Variants in LRRC4C observed in about 807,000 individuals in gnomAD.
The protein encoded by LRRC4C is leucine-rich repeat-containing protein 4C.
In LRRC4C, 5 loss-of-function variants were observed where a neutral mutation model predicts 33.6. The observed-to-expected ratio is 0.15, with a 90% CI of 0.08 to 0.31. LRRC4C has a LOEUF of 0.31. Among genes scored for constraint, LRRC4C ranks in the 10% least tolerant of loss-of-function variants. The pLI is 1.00. For synonymous variants in LRRC4C, 329 were observed against 302.0 expected, an observed-to-expected ratio of 1.09 and a Z score of -0.93; for missense variants, 560 against 796.7, an observed-to-expected ratio of 0.70 and a Z score of 3.58.
intron 2 of LRRC4C, among the ~76,000 whole-genome samples, chr11:40,861,336 A>G (rs141711915): frequency 4.3e-4 from 66 of 152,310 alleles, no homozygotes; most frequent in African/African-American, 1.6e-3. Flanking sequence ...GGGACTTAAA[A>G]GAGAAACATG....
At position 41,156,648 on chromosome 11, in the gene LRRC4C, T is replaced by G. The variant is rs760796162; in HGVS notation, c.-495-222925A>C. On this transcript the variant is annotated intron_variant, in intron 1 of 6. Transcript: ENST00000528697. Reference sequence around the variant, plus strand: ...ATGAACATGGCAAACAAGTAAATTATATTGTGTATTAGAAGCTGGTAAGAA... The same window carrying G: ...ATGAACATGGCAAACAAGTAAATTAGATTGTGTATTAGAAGCTGGTAAGAA... Among the ~76,000 whole-genome samples, 4 of 151,986 alleles carry G rather than the reference T, an allele frequency of 2.6e-5. No homozygotes were observed. In the South Asian group the frequency reaches 6.2e-4, roughly 24 times the overall value.
chr11:40,686,621 G>A (rs1041709268), intron 2 of LRRC4C, among the ~76,000 whole-genome samples: 5 of 152,098 alleles, frequency 3.3e-5, no homozygotes, highest in African/African-American at 4.8e-5. Context: ...AGCTTCAGGG[G>A]CTGGAATGAT....
intron 3 of LRRC4C, among the ~76,000 whole-genome samples, chr11:40,495,144 T>C (rs1047299549): frequency 1.3e-5 from 2 of 152,202 alleles, no homozygotes; most frequent in African/African-American, 4.8e-5. Flanking sequence ...ATGTGCACTT[T>C]ATATCAAAGC....
At chr11:40,379,272 A>C (rs778118959) in intron 3 of LRRC4C, among the ~76,000 whole-genome samples, 83 of 151,874 alleles carry the variant, frequency 5.5e-4, no homozygotes, top group Admixed American at 5.2e-4. Context: ...TACCAATTTA[A>C]TTATAATATA....
At chr11:40,925,760 A>G (rs1465746178) in intron 2 of LRRC4C, among the ~76,000 whole-genome samples, 1 of 152,096 alleles carries the variant, frequency 6.6e-6, no homozygotes, top group African/African-American at 2.4e-5. Flanking sequence ...CATTTACTTT[A>G]TTGTCTGTAA....
chr11:41,236,072 G>A (rs1179213021), intron 1 of LRRC4C, among the ~76,000 whole-genome samples: 1 of 152,032 alleles, frequency 6.6e-6, no homozygotes, highest in Non-Finnish European at 1.5e-5. Context: ...AGCTTCTGGG[G>A]AAGCACTTAA....
At chr11:40,265,612 C>G (rs1457841097) in intron 4 of LRRC4C, among the ~76,000 whole-genome samples, 4 of 152,152 alleles carry the variant, frequency 2.6e-5, no homozygotes, top group African/African-American at 9.7e-5. Context: ...TTCAGCAAAA[C>G]TTAACTCCTA....
chr11:40,780,509 T>G (rs1185760357), intron 2 of LRRC4C, among the ~76,000 whole-genome samples: 1 of 152,062 alleles, frequency 6.6e-6, no homozygotes, highest in East Asian at 1.9e-4. Flanking sequence ...TTTCAGAGAA[T>G]GAGAGCTATT....
At chr11:40,696,089 G>GTC (rs1945494921) in intron 2 of LRRC4C, among the ~76,000 whole-genome samples, 1 of 100,516 alleles carries the variant, frequency 9.9e-6, no homozygotes, top group African/African-American at 3.3e-5. Context: ...ATATATATGA[G>GTC]TGTGTGTATA....
chr11:40,834,083 G>A (rs1400334884), intron 2 of LRRC4C, among the ~76,000 whole-genome samples: 4 of 152,104 alleles, frequency 2.6e-5, no homozygotes, highest in Non-Finnish European at 5.9e-5. Context: ...GGACACAACT[G>A]CAGTGTCATG....
chr11:40,919,324 T>C (rs1027408151), intron 2 of LRRC4C, among the ~76,000 whole-genome samples: 1 of 152,166 alleles, frequency 6.6e-6, no homozygotes, highest in African/African-American at 2.4e-5. Flanking sequence ...ATGTAAATCT[T>C]TTTTAAGCCT....
At chr11:40,792,347 C>T (rs1950661795) in intron 2 of LRRC4C, among the ~76,000 whole-genome samples, 1 of 151,744 alleles carries the variant, frequency 6.6e-6, no homozygotes, top group African/African-American at 2.4e-5. Flanking sequence ...GACATGCAGA[C>T]TGGTGTAAAA....
intron 4 of LRRC4C, among the ~76,000 whole-genome samples, chr11:40,257,726 A>G (rs368989681): frequency 2.2e-4 from 34 of 152,284 alleles, no homozygotes; most frequent in African/African-American, 5.8e-4. Flanking sequence ...TACTTGGCCT[A>G]TGTCATGTCT....
chr11:40,250,782 T>C lies in LRRC4C; in HGVS notation c.-175-9184A>G, dbSNP rs1866729991. 2.0e-5 allele frequency among the ~76,000 whole-genome samples: 3 copies of C among 152,162 alleles called. No individual in the cohort carries two copies. The South Asian group carries it at 6.2e-4, about 32-fold the overall frequency. On this transcript the variant is annotated intron_variant, in intron 4 of 6. Transcript: ENST00000528697. The stretch of plus-strand genomic sequence containing the variant: ...ATAAAAATTCTGACCCTTTCAATTA[T>C]TTTAACTTAACAAAAGTCATCTGAC...
At position 40,468,229 on chromosome 11, in the gene LRRC4C, T is replaced by C. The variant is rs549076135; in HGVS notation, c.-269-148508A>G. On this transcript the variant is annotated intron_variant, in intron 3 of 6. Coordinates refer to ENST00000528697, the MANE Select transcript of LRRC4C (RefSeq NM_001258419.2). Reference sequence around the variant, plus strand: ...ATATGTATAAACATAAATATACATATATTGAAAGAGAATTTCCTTTTAAAA... The same window carrying C: ...ATATGTATAAACATAAATATACATACATTGAAAGAGAATTTCCTTTTAAAA... 5.1e-4 allele frequency among the ~76,000 whole-genome samples: 77 copies of C among 152,288 alleles called. 2 individuals are homozygous for C. The highest frequency in any genetic ancestry group is 1.7e-3 in the African/African-American group (72 of 41,558).
intron 1 of LRRC4C, among the ~76,000 whole-genome samples, chr11:41,455,539 G>C (rs1231540794): frequency 1.3e-5 from 2 of 152,030 alleles, no homozygotes; most frequent in Admixed American, 1.3e-4. Context: ...AACACATTTG[G>C]AAAACGCCAA....
At chr11:41,010,642 T>C (rs1166149045) in intron 1 of LRRC4C, among the ~76,000 whole-genome samples, 3 of 152,200 alleles carry the variant, frequency 2.0e-5, no homozygotes, top group African/African-American at 4.8e-5. Context: ...ATGTTGGCCA[T>C]ACTGTGGCTC....
At chr11:40,194,373 A>G (rs1862078659) in intron 5 of LRRC4C, among the ~76,000 whole-genome samples, 4 of 152,216 alleles carry the variant, frequency 2.6e-5, no homozygotes, top group Admixed American at 1.3e-4. Flanking sequence ...GTGAAGGAGA[A>G]ATAAAATCTT....
At chr11:40,395,234 A>G (rs948853615) in intron 3 of LRRC4C, among the ~76,000 whole-genome samples, 40 of 152,230 alleles carry the variant, frequency 2.6e-4, no homozygotes, top group African/African-American at 9.1e-4. Context: ...CTTCCTGTGC[A>G]TAGGTATTTG....
Sources: gnomAD v4.1 joint callset for allele counts (sites outside exome capture counted in the v4.1 genomes callset) on GRCh38, gnomAD v4.1.1 for gene constraint, MANE v1.5 for transcripts, NCBI Gene and HGNC (gene_info 2026-07-23, HGNC 2026-07-21) for gene names.